Variants in VLDLR observed in about 807,000 individuals in gnomAD.
The protein encoded by VLDLR is very low density lipoprotein receptor.
VLDLR carries 81 observed loss-of-function variants against 112.7 expected under a neutral mutation model. That is an observed-to-expected ratio of 0.72 (90% CI 0.60 to 0.86). The LOEUF (loss-of-function observed/expected upper bound fraction) is 0.86, where lower values mean the gene tolerates loss of function less well. Ranked by LOEUF, VLDLR falls within the 40% of genes least tolerant of loss-of-function variation. The pLI, the probability that VLDLR is intolerant of heterozygous loss-of-function variation, is 0.00. For missense variants in VLDLR, 1,237 were observed against 1,099.4 expected (o/e 1.13, Z -1.77); for synonymous variants, 436 against 384.8 (o/e 1.13, Z -1.56).
At position 2,644,837 on chromosome 9, in the gene VLDLR, T is replaced by C. The variant is rs1817999330; in HGVS notation, c.1170T>C (p.Asp390=). Residue 390 remains aspartate (D), a synonymous_variant, in exon 8 of 19, where the codon GAT becomes GAC. Transcript: ENST00000382100. ...GTGCAGCTGGGTTTGAACTGATAGA[T>C]AGGAAAACCTGTGGAGGTGAGTCTA... ...CDCAAGFELI[D]RKTCGDIDEC... 2.5e-6 allele frequency: 4 copies of C among 1,614,156 alleles called. No individual in the cohort carries two copies. Among genetic ancestry groups the C allele is most frequent in the Non-Finnish European group, 1.7e-6 (2 of 1,180,028 alleles).
rs779189836 is a variant in VLDLR at position 2,656,881 on chromosome 9, T to C, written c.*3013T>C. On this transcript the variant is annotated 3_prime_UTR_variant, in exon 19 of 19. Transcript: ENST00000382100. Reference sequence around the variant, plus strand: ...TTGTTCAACTAGCTCCCTTAAAACATTCTAGTAGGTGTTTTAAAGCCTAGG... The same window carrying C: ...TTGTTCAACTAGCTCCCTTAAAACACTCTAGTAGGTGTTTTAAAGCCTAGG... 9.8e-5 allele frequency: 14 copies of C among 142,510 alleles called. No homozygotes were observed. Among genetic ancestry groups the C allele is most frequent in the Non-Finnish European group, 2.1e-4 (14 of 66,720 alleles). 8.8% of individuals were successfully genotyped at this position (142,510 alleles called of 1,614,324 possible).
chr9:2,634,006 A>G (rs1464324902), intron 1 of VLDLR, among the ~76,000 whole-genome samples: 2 of 152,212 alleles, frequency 1.3e-5, no homozygotes, highest in Non-Finnish European at 2.9e-5. Flanking sequence ...ATGAAAAAGT[A>G]TTATGAAATG....
At position 2,658,484 on chromosome 9, in the gene VLDLR, T is replaced by G. The variant is rs1384180641; in HGVS notation, c.*4616T>G. The stretch of plus-strand genomic sequence containing the variant: ...ACCTCATGGCATATCAAAAATGGCT[T>G]TTTTCTTCACTGCGCTCAAGGAAAA... On this transcript the variant is annotated 3_prime_UTR_variant, in exon 19 of 19. Transcript: ENST00000382100. 2.6e-5 allele frequency: 4 copies of G among 152,186 alleles called. No homozygotes were observed. Among genetic ancestry groups the G allele is most frequent in the African/African-American group, 9.7e-5 (4 of 41,432 alleles). 9.4% of individuals were successfully genotyped at this position (152,186 alleles called of 1,614,324 possible). A position where few individuals can be genotyped will look rare whatever the true frequency, so the allele number is the denominator to read the frequency against.
rs1052239475 is a variant in VLDLR at position 2,657,573 on chromosome 9, C to T, written c.*3705C>T. The T allele has an allele frequency of 6.6e-6, 1 of 152,156 alleles. No individual in the cohort carries two copies. Among genetic ancestry groups the T allele is most frequent in the African/African-American group, 2.4e-5 (1 of 41,436 alleles). The allele number at this position is 152,156 out of a possible 1,614,324, so 9.4% of individuals were successfully genotyped here. A position where few individuals can be genotyped will look rare whatever the true frequency, so the allele number is the denominator to read the frequency against. Reference sequence around the variant, plus strand: ...CCTAAAAACCACATATATATAATCCCCTGGGTATTACATATTCTGCAAGCC... The same window carrying T: ...CCTAAAAACCACATATATATAATCCTCTGGGTATTACATATTCTGCAAGCC... On this transcript the variant is annotated 3_prime_UTR_variant, in exon 19 of 19. Transcript: ENST00000382100.
At chr9:2,642,667 T>A (rs139444197) in intron 4 of VLDLR, among the ~76,000 whole-genome samples, 1 of 152,362 alleles carries the variant, frequency 6.6e-6, no homozygotes, top group East Asian at 1.9e-4. Flanking sequence ...TTGTTATTCC[T>A]GATCCTTATT....
intron 3 of VLDLR, among the ~76,000 whole-genome samples, chr9:2,640,914 G>C (rs1352380172): frequency 2.0e-5 from 3 of 152,200 alleles, no homozygotes; most frequent in Non-Finnish European, 2.9e-5. Flanking sequence ...TACTTTGCAA[G>C]ATGTCAATCT....
chr9:2,644,910 C>A, intron 8 of VLDLR, 47 bp from the exon 9 acceptor site: 1 of 1,614,054 alleles, frequency 6.2e-7, no homozygotes, highest in Admixed American at 1.7e-5. Flanking sequence ...TAGTATGTAC[C>A]TAGTAAGGTA....
intron 1 of VLDLR, among the ~76,000 whole-genome samples, chr9:2,627,187 A>G (rs1375845992): frequency 6.6e-6 from 1 of 152,222 alleles, no homozygotes; most frequent in Non-Finnish European, 1.5e-5. Context: ...ACTTAATCAT[A>G]AAAGAGGCAG....
At chr9:2,646,633 C>A (rs1818089222) in intron 11 of VLDLR, 81 bp downstream of exon 11, 4 of 1,306,004 alleles carry the variant, frequency 3.1e-6, no homozygotes, top group Non-Finnish European at 4.4e-6. Context: ...AATTAGTACT[C>A]AAATCTCAAG....
chr9:2,643,293 C>T lies in VLDLR; in HGVS notation c.582C>T (p.Gly194=), dbSNP rs148012674. ...TGGACTGTGCCCCGCCAACCTGTGG[C>T]GCCCATGAGTTCCAGTGCAGCACCT... The part of the protein sequence containing the change: ...DELDCAPPTC[G]AHEFQCSTSS... Residue 194 remains glycine, a synonymous_variant, in exon 5 of 19, where the codon GGC becomes GGT. Coordinates refer to ENST00000382100, the MANE Select transcript of VLDLR (RefSeq NM_003383.5). 251 of 1,613,746 alleles carry T rather than the reference C, an allele frequency of 1.6e-4. No homozygotes were observed. Among genetic ancestry groups the T allele is most frequent in the Non-Finnish European group, 1.9e-4 (227 of 1,179,674 alleles).
Position 2,653,919 on chromosome 9 carries a change from C to G in VLDLR, c.*51C>G. 6.3e-7 allele frequency: 1 copy of G among 1,599,216 alleles called. No individual in the cohort carries two copies. The highest frequency in any genetic ancestry group is 1.3e-5 in the African/African-American group (1 of 74,774). ...AGGTCTAAACAAATAATACCCCCGT[C>G]GGAATGGTAACCGAGCCAGCAGCTG... On this transcript the variant is annotated 3_prime_UTR_variant, in exon 19 of 19. Coordinates refer to ENST00000382100, the MANE Select transcript of VLDLR (RefSeq NM_003383.5).
At chr9:2,626,473 C>A (rs1433734306) in intron 1 of VLDLR, among the ~76,000 whole-genome samples, 1 of 152,160 alleles carries the variant, frequency 6.6e-6, no homozygotes, top group Admixed American at 6.5e-5. Context: ...GCATACTTTT[C>A]CCCTTGAGTG....
intron 17 of VLDLR, 85 bp downstream of exon 17, chr9:2,652,039 C>A: frequency 7.9e-7 from 1 of 1,259,680 alleles, no homozygotes; most frequent in Non-Finnish European, 1.1e-6. Flanking sequence ...CTACCCCTTT[C>A]ATGGGCCTTT....
At chr9:2,627,840 G>A (rs1333912643) in intron 1 of VLDLR, among the ~76,000 whole-genome samples, 1 of 149,856 alleles carries the variant, frequency 6.7e-6, no homozygotes, top group Non-Finnish European at 1.5e-5. Context: ...ACTCCAGCCT[G>A]GGCTACAGTG....
In VLDLR at chr9:2,622,109, C is replaced by A. The variant is rs1041456060; in HGVS notation, c.-81C>A. On this transcript the variant is annotated 5_prime_UTR_variant, in exon 1 of 19. Transcript: ENST00000382100. The stretch of plus-strand genomic sequence containing the variant: ...CCCTCCCCGCCCCCACCTTCTTCCT[C>A]CTTTCGGAAGGACTGGTAACTTGTC... The A allele has an allele frequency of 3.2e-5, 43 of 1,352,718 alleles. No individual in the cohort carries two copies. Among genetic ancestry groups the A allele is most frequent in the Non-Finnish European group, 4.1e-5 (42 of 1,020,880 alleles). 83.8% of individuals were successfully genotyped at this position (1,352,718 alleles called of 1,614,324 possible).
chr9:2,646,512 T>C lies in VLDLR; in HGVS notation c.1663T>C (p.Leu555=), dbSNP rs1217231199. ...GAGGAAGTTCCTGTTTAACTCTGAC[T>C]TGCGAGAGCCTGCCTCCATAGCTGT... ...TKRKFLFNSD[L]REPASIAVDP... Residue 555 remains leucine (L), a synonymous_variant, in exon 11 of 19, where the codon TTG becomes CTG. Transcript: ENST00000382100. The C allele has an allele frequency of 6.2e-6, 10 of 1,614,048 alleles. No individual in the cohort carries two copies. Among genetic ancestry groups the C allele is most frequent in the Non-Finnish European group, 8.5e-6 (10 of 1,180,014 alleles).
Position 2,644,804 on chromosome 9 carries a change from G to C in VLDLR, c.1137G>C (p.Glu379Asp), listed in dbSNP as rs978823063. The change falls in exon 8 of 19, where the codon GAG becomes GAC. Residue 379 changes from glutamate to aspartate, a missense_variant. Physicochemically the swap from Glu to Asp is conservative, Grantham distance 45. Transcript: ENST00000382100. ...HICKDLVIGY[E>D]CDCAAGFELI... Reference sequence around the variant, plus strand: ...GCAAAGACCTAGTTATAGGCTACGAGTGTGACTGTGCAGCTGGGTTTGAAC... The same window carrying C: ...GCAAAGACCTAGTTATAGGCTACGACTGTGACTGTGCAGCTGGGTTTGAAC... 40 of 1,614,062 alleles carry C rather than the reference G, an allele frequency of 2.5e-5. No individual in the cohort carries two copies. Among genetic ancestry groups the C allele is most frequent in the Admixed American group, 5.0e-5 (3 of 60,006 alleles).
intron 11 of VLDLR, 51 bp from the exon 12 acceptor site, chr9:2,647,423 C>G: frequency 1.3e-6 from 2 of 1,540,232 alleles, no homozygotes; most frequent in Non-Finnish European, 9.0e-7. Context: ...GCTACTACAA[C>G]TTTATTCCTT....
chr9:2,647,730 A>G (rs1003445489), intron 12 of VLDLR, 138 bp downstream of exon 12: 2 of 787,050 alleles, frequency 2.5e-6, no homozygotes, highest in African/African-American at 3.4e-5. Context: ...AATGGGAGTA[A>G]CTGAACAACA....
Sources: allele counts gnomAD v4.1 joint callset (sites outside exome capture counted in the v4.1 genomes callset), GRCh38; gene constraint gnomAD v4.1.1; transcripts MANE v1.5; gene names NCBI Gene and HGNC (gene_info 2026-07-23, HGNC 2026-07-21).